The following DCDC1 variants were observed in gnomAD, a reference collection of about 807,000 sequenced individuals.
DCDC1 encodes doublecortin domain containing 1, also known as doublecortin domain-containing protein 1.
A neutral mutation model predicts 178.3 loss-of-function variants in DCDC1; 200 were observed. That is an observed-to-expected ratio of 1.12 (90% CI 1.00 to 1.26). The LOEUF (loss-of-function observed/expected upper bound fraction) is 1.26, where lower values mean the gene tolerates loss of function less well. Among genes scored for constraint, DCDC1 ranks in the 50% most tolerant of loss-of-function variants. DCDC1 has a pLI of 0.00. For missense variants in DCDC1, 1,983 were observed against 1,749.2 expected (o/e 1.13, Z -2.38); for synonymous variants, 690 against 604.8 (o/e 1.14, Z -2.07).
Position 30,892,918 on chromosome 11 carries a change from C to T in DCDC1, c.4982G>A (p.Ser1661Asn). The T allele has an allele frequency of 6.2e-7, 1 of 1,613,926 alleles. No individual in the cohort carries two copies. Among genetic ancestry groups the T allele is most frequent in the Non-Finnish European group, 8.5e-7 (1 of 1,179,846 alleles). The change falls in exon 36 of 39, where the codon AGC (serine) becomes AAC (asparagine). Residue 1661 changes from serine to asparagine, a missense_variant. Physicochemically the swap from Ser to Asn is conservative, Grantham distance 46. Coordinates refer to ENST00000684477, the MANE Select transcript of DCDC1 (RefSeq NM_001387274.1). Reference protein sequence around the residue: ...IATKRIAVKPSNLYKQPNTKR... With the variant: ...IATKRIAVKPNNLYKQPNTKR... The stretch of plus-strand genomic sequence containing the variant: ...TGTGTTGGGCTGCTTATACAGGTTG[C>T]TCGGCTTGACTGCTATACGTTTGGT...
chr11:31,144,306 T>A (rs1296451683), intron 9 of DCDC1, among the ~76,000 whole-genome samples: 1 of 151,494 alleles, frequency 6.6e-6, no homozygotes, highest in Non-Finnish European at 1.5e-5. Flanking sequence ...GGCTAATATT[T>A]TTTTTTTTTA....
chr11:31,100,663 C>T (rs1246108460), intron 15 of DCDC1, among the ~76,000 whole-genome samples: 5 of 152,090 alleles, frequency 3.3e-5, no homozygotes, highest in Non-Finnish European at 7.3e-5. Context: ...ATTGATTAGC[C>T]TGACTGTAAT....
chr11:30,879,293 G>C (rs1303371012), intron 37 of DCDC1, among the ~76,000 whole-genome samples: 1 of 152,134 alleles, frequency 6.6e-6, no homozygotes, highest in African/African-American at 2.4e-5. Context: ...AACAGCATGA[G>C]TGGAATGATT....
At chr11:31,126,929 A>G (rs1961708905) in intron 11 of DCDC1, among the ~76,000 whole-genome samples, 1 of 152,206 alleles carries the variant, frequency 6.6e-6, no homozygotes, top group African/African-American at 2.4e-5. Context: ...TCTTGTCCTG[A>G]CAAATAACCA....
intron 20 of DCDC1, among the ~76,000 whole-genome samples, chr11:30,980,625 T>C (rs1196357127): frequency 6.6e-6 from 1 of 152,176 alleles, no homozygotes; most frequent in Admixed American, 6.6e-5. Context: ...TTTTTGTTTT[T>C]TTCTCAACCC....
intron 11 of DCDC1, among the ~76,000 whole-genome samples, chr11:31,123,375 G>A (rs1961091853): frequency 6.6e-6 from 1 of 152,068 alleles, no homozygotes; most frequent in South Asian, 2.1e-4. Flanking sequence ...GAAGTGAAGT[G>A]TATGACCTAT....
In DCDC1 at chr11:31,065,110, G is replaced by A. The variant is rs745502859; in HGVS notation, c.2342C>T (p.Ala781Val). The A allele has an allele frequency of 2.6e-6, 2 of 765,324 alleles. No individual in the cohort carries two copies. The highest frequency in any genetic ancestry group is 2.7e-5 in the South Asian group (2 of 74,524). 47.4% of individuals were successfully genotyped at this position (765,324 alleles called of 1,614,324 possible). A position where few individuals can be genotyped will look rare whatever the true frequency, so the allele number is the denominator to read the frequency against. The change falls in exon 19 of 39, where the codon GCA becomes GTA. Residue 781 changes from alanine (A) to valine (V), a missense_variant. Ala to Val is a moderately conservative substitution (Grantham distance 64). Coordinates refer to ENST00000684477, the MANE Select transcript of DCDC1 (RefSeq NM_001387274.1). ...FVLTYLEELN[A>V]QVDVTQTEYH... ...CTCTGTCTGGGTCACATCTACTTGT[G>A]CATTTAGCTCCTCTAGGTAGGTCAG...
intron 8 of DCDC1, among the ~76,000 whole-genome samples, chr11:31,245,556 T>A (rs1182527923): frequency 2.0e-5 from 3 of 151,726 alleles, no homozygotes; most frequent in Non-Finnish European, 4.4e-5. Flanking sequence ...CCTTATATGA[T>A]TATGAAGACT....
At chr11:31,352,665 A>C (rs1368728564) in intron 1 of DCDC1, among the ~76,000 whole-genome samples, 1 of 152,192 alleles carries the variant, frequency 6.6e-6, no homozygotes, top group African/African-American at 2.4e-5. Context: ...TAACATGACG[A>C]GCTCAATAAG....
At chr11:31,260,800 A>T (rs1944728791) in intron 8 of DCDC1, among the ~76,000 whole-genome samples, 5 of 152,206 alleles carry the variant, frequency 3.3e-5, no homozygotes, top group Admixed American at 3.3e-4. Flanking sequence ...GTTAGGAGGA[A>T]TGAGTGTGTT....
chr11:30,919,621 CA>C (rs1416969877), intron 25 of DCDC1, among the ~76,000 whole-genome samples: 1 of 152,150 alleles, frequency 6.6e-6, no homozygotes, highest in African/African-American at 2.4e-5. Context: ...CATCTAGGAC[CA>C]ATCATTCTCT....
At chr11:31,116,051 C>T (rs76676281) in intron 11 of DCDC1, among the ~76,000 whole-genome samples, 2,949 of 149,122 alleles carry the variant, frequency 0.02, 88 homozygotes, top group African/African-American at 0.068. Context: ...ATCCACTCCA[C>T]ACACACATGA....
intron 9 of DCDC1, among the ~76,000 whole-genome samples, chr11:31,152,057 CATAAAT>C: frequency 6.6e-6 from 1 of 152,214 alleles, no homozygotes; most frequent in Non-Finnish European, 1.5e-5. Flanking sequence ...CATCATACCT[CATAAAT>C]ATAATTATTA....
chr11:31,366,744 G>A (rs1951978588), intron 1 of DCDC1, among the ~76,000 whole-genome samples: 1 of 152,192 alleles, frequency 6.6e-6, no homozygotes, highest in African/African-American at 2.4e-5. Context: ...GCTTTAATCA[G>A]ATGCTGCAGC....
At chr11:31,262,932 C>T in intron 8 of DCDC1, 1 of 1,080,000 alleles carries the variant, frequency 9.3e-7, no homozygotes, top group Non-Finnish European at 1.3e-6. Context: ...CTGGCATAAG[C>T]TTTTATAAGG....
rs184778350 is a variant in DCDC1, at chr11:31,362,863, C to T, written c.-125+6834G>A. Among the ~76,000 whole-genome samples the T allele has an allele frequency of 2.6e-5, 4 of 152,192 alleles. No individual in the cohort carries two copies. The East Asian group carries it at 7.7e-4, about 29-fold the overall frequency. ...GCAGAAATCCCTTTAGCATACAAGA[C>T]CTGTTTTTCTCAGTCTCTAACTAAT... On this transcript the variant is annotated intron_variant, in intron 1 of 38. Coordinates refer to ENST00000684477, the MANE Select transcript of DCDC1 (RefSeq NM_001387274.1).
At chr11:30,996,874 G>T (rs1443923484) in intron 20 of DCDC1, among the ~76,000 whole-genome samples, 3 of 152,098 alleles carry the variant, frequency 2.0e-5, no homozygotes, top group Non-Finnish European at 4.4e-5. Context: ...AATTTTGTTC[G>T]CATAAAAACG....
intron 1 of DCDC1, among the ~76,000 whole-genome samples, chr11:31,367,123 C>CTA (rs1952002241): frequency 6.6e-6 from 1 of 152,108 alleles, no homozygotes; most frequent in Non-Finnish European, 1.5e-5. Flanking sequence ...TGGTGAAACT[C>CTA]CATCTCTACA....
chr11:30,874,012 A>G (rs1941888954), intron 38 of DCDC1, among the ~76,000 whole-genome samples: 1 of 152,212 alleles, frequency 6.6e-6, no homozygotes, highest in Non-Finnish European at 1.5e-5. Context: ...GAACATTTCC[A>G]TCATTTCTTA....
Sources: gnomAD v4.1 joint callset for allele counts (sites outside exome capture counted in the v4.1 genomes callset) on GRCh38, gnomAD v4.1.1 for gene constraint, MANE v1.5 for transcripts, NCBI Gene and HGNC (gene_info 2026-07-23, HGNC 2026-07-21) for gene names.